Variants in HSDL2 observed in about 807,000 individuals in gnomAD.
HSDL2 encodes hydroxysteroid dehydrogenase-like protein 2.
In HSDL2, 27 loss-of-function variants were observed where a neutral mutation model predicts 46.3. The ratio of observed to expected loss-of-function variants is 0.58; its 90% CI spans 0.43 to 0.80. HSDL2 has a LOEUF of 0.80. HSDL2 is among the 30% of genes least tolerant of loss of function. The pLI, the probability that HSDL2 is intolerant of heterozygous loss-of-function variation, is 0.00. For synonymous variants in HSDL2, 153 were observed against 163.6 expected (o/e 0.94, Z 0.50); for missense variants, 451 against 502.7 (o/e 0.90, Z 0.98).
At chr9:112,449,764 T>TG (rs1394778059) in intron 8 of HSDL2, among the ~76,000 whole-genome samples, 1 of 151,112 alleles carries the variant, frequency 6.6e-6, no homozygotes, top group Non-Finnish European at 1.5e-5. Flanking sequence ...GCCCAGGAGG[T>TG]GGAGGTTGCA....
intron 4 of HSDL2, among the ~76,000 whole-genome samples, chr9:112,415,936 G>A (rs978538448): frequency 6.6e-6 from 1 of 151,982 alleles, no homozygotes; most frequent in Admixed American, 6.6e-5. Context: ...GTGAAACCCC[G>A]TCTCTACTAA....
intron 10 of HSDL2, among the ~76,000 whole-genome samples, chr9:112,461,936 C>T (rs1833221431): frequency 6.6e-6 from 1 of 152,142 alleles, no homozygotes. Context: ...TGAGGCCAGT[C>T]AGTTATATGA....
chr9:112,465,480 G>C (rs1833348199), intron 10 of HSDL2, among the ~76,000 whole-genome samples: 1 of 152,162 alleles, frequency 6.6e-6, no homozygotes, highest in Non-Finnish European at 1.5e-5. Context: ...TATATTCACA[G>C]TGCTGTGCAA....
At chr9:112,396,377 C>T (rs1021155334) in intron 1 of HSDL2, among the ~76,000 whole-genome samples, 5 of 152,144 alleles carry the variant, frequency 3.3e-5, no homozygotes, top group Non-Finnish European at 5.9e-5. Context: ...CTACTAGGCC[C>T]TCACACTTTT....
At chr9:112,396,225 G>A (rs1406229608) in intron 1 of HSDL2, among the ~76,000 whole-genome samples, 1 of 152,130 alleles carries the variant, frequency 6.6e-6, no homozygotes, top group Admixed American at 6.5e-5. Context: ...TTGACCATCA[G>A]GGCTAGTGCA....
chr9:112,404,426 C>T (rs1036682185), intron 2 of HSDL2, among the ~76,000 whole-genome samples: 25 of 151,918 alleles, frequency 1.6e-4, no homozygotes, highest in Admixed American at 1.5e-3. Context: ...CCCAGCTACT[C>T]GGGAGGCTGA....
At chr9:112,382,976 T>C (rs1234737079) in intron 1 of HSDL2, among the ~76,000 whole-genome samples, 1 of 151,606 alleles carries the variant, frequency 6.6e-6, no homozygotes, top group East Asian at 1.9e-4. Context: ...TCTTGCTCTG[T>C]AAGCCTTTGA....
chr9:112,425,814 AC>A (rs1405673344), intron 6 of HSDL2, among the ~76,000 whole-genome samples: 2 of 150,162 alleles, frequency 1.3e-5, no homozygotes, highest in African/African-American at 2.5e-5. Context: ...TGCAGCCTTG[AC>A]CTCCTGGGCT....
In HSDL2 at chr9:112,416,913, C is replaced by A. The variant is rs753371029; in HGVS notation, c.468C>A (p.Asn156Lys). Residue 156 changes from asparagine (N) to lysine (K), a missense_variant, in exon 5 of 11, where the codon AAC becomes AAA. Physicochemically the swap from Asn to Lys is moderately conservative, Grantham distance 94. Coordinates refer to ENST00000398805, the MANE Select transcript of HSDL2 (RefSeq NM_032303.5). ...TCCTCAATATCAGTCCACCACTGAACCTAAATCCAGTTTGGTTCAAACAGC... is the reference window on the plus strand; with the variant it reads ...TCCTCAATATCAGTCCACCACTGAAACTAAATCCAGTTTGGTTCAAACAGC... Reference protein sequence around the residue: ...AHILNISPPLNLNPVWFKQHC... With the variant: ...AHILNISPPLKLNPVWFKQHC... The A allele has an allele frequency of 6.2e-7, 1 of 1,602,136 alleles. No individual in the cohort carries two copies. Among genetic ancestry groups the A allele is most frequent in the Non-Finnish European group, 8.6e-7 (1 of 1,169,530 alleles).
chr9:112,453,937 C>T, intron 8 of HSDL2, 76 bp from the exon 9 acceptor site: 3 of 1,282,472 alleles, frequency 2.3e-6, no homozygotes, highest in South Asian at 1.4e-5. Flanking sequence ...CAAGTCTGTC[C>T]TGCTGATTAA....
chr9:112,429,161 G>T (rs993076084), intron 6 of HSDL2, among the ~76,000 whole-genome samples: 3 of 152,204 alleles, frequency 2.0e-5, no homozygotes, highest in Non-Finnish European at 1.5e-5. Context: ...AGCCTCCAAA[G>T]GTGCGGGGAT....
intron 8 of HSDL2, among the ~76,000 whole-genome samples, chr9:112,450,940 T>G (rs1297127343): frequency 6.6e-6 from 1 of 152,136 alleles, no homozygotes; most frequent in Non-Finnish European, 1.5e-5. Flanking sequence ...TGGTATCTCA[T>G]GTCTGTAATC....
At chr9:112,460,676 G>A (rs922316539) in intron 10 of HSDL2, among the ~76,000 whole-genome samples, 1 of 152,170 alleles carries the variant, frequency 6.6e-6, no homozygotes, top group African/African-American at 2.4e-5. Context: ...GAGCCCAGAG[G>A]TGAAGGCTGC....
Position 112,454,106 on chromosome 9 carries a change from C to T in HSDL2, c.959C>T (p.Ser320Phe), listed in dbSNP as rs761648834. 1.9e-6 allele frequency: 3 copies of T among 1,613,918 alleles called. No individual in the cohort carries two copies. The highest frequency in any genetic ancestry group is 3.3e-5 in the Admixed American group (2 of 60,024). Residue 320 changes from serine (S) to phenylalanine (F), a missense_variant, in exon 9 of 11, where the codon TCT (serine) becomes TTT (phenylalanine). Ser to Phe is a radical substitution (Grantham distance 155). Coordinates refer to ENST00000398805, the MANE Select transcript of HSDL2 (RefSeq NM_032303.5). The stretch of plus-strand genomic sequence containing the variant: ...GAAACATTTAGAATTGTTAAGGACT[C>T]TCTCAGTGATGATGTTGTTAAAGCC... ...VEETFRIVKD[S>F]LSDDVVKATQ... is the part of the protein sequence containing the mutation.
chr9:112,422,940 C>T lies in HSDL2; in HGVS notation c.598+3982C>T, dbSNP rs150487772. On this transcript the variant is annotated intron_variant, in intron 6 of 10. Transcript: ENST00000398805. ...AGAAGGCAGTGGAATAACATCTGTA[C>T]GTTGCTGATACAAAGGGACTCAGCC... Among the ~76,000 whole-genome samples the T allele has an allele frequency of 7.9e-5, 12 of 152,276 alleles. No individual in the cohort carries two copies. In the East Asian group the frequency reaches 1.9e-3, roughly 24 times the overall value.
chr9:112,414,858 G>A (rs1474167932), intron 4 of HSDL2, among the ~76,000 whole-genome samples: 1 of 151,888 alleles, frequency 6.6e-6, no homozygotes, highest in Non-Finnish European at 1.5e-5. Context: ...TTGGTAAGAT[G>A]TTGCTGTTTT....
At chr9:112,462,902 A>C (rs1184785251) in intron 10 of HSDL2, among the ~76,000 whole-genome samples, 1 of 152,088 alleles carries the variant, frequency 6.6e-6, no homozygotes, top group Non-Finnish European at 1.5e-5. Context: ...GTCTCTATAA[A>C]TTTGCTATTT....
chr9:112,392,817 A>G (rs1388794046), intron 1 of HSDL2, among the ~76,000 whole-genome samples: 3 of 152,262 alleles, frequency 2.0e-5, no homozygotes, highest in Non-Finnish European at 4.4e-5. Flanking sequence ...GGTGACGTAC[A>G]TCCTCAGCTT....
At chr9:112,381,997 G>A (rs550281857) in intron 1 of HSDL2, among the ~76,000 whole-genome samples, 78 of 152,302 alleles carry the variant, frequency 5.1e-4, no homozygotes, top group African/African-American at 1.7e-3. Flanking sequence ...CAGCACTTTG[G>A]GAGGCCGAGG....
Sources: gnomAD v4.1 joint callset for allele counts (sites outside exome capture counted in the v4.1 genomes callset) on GRCh38, gnomAD v4.1.1 for gene constraint, MANE v1.5 for transcripts, NCBI Gene and HGNC (gene_info 2026-07-23, HGNC 2026-07-21) for gene names.